The following ZNF324B variants were observed in gnomAD, a reference collection of about 807,000 sequenced individuals.
ZNF324B encodes the protein zinc finger protein 324B.
Under a neutral mutation model 10.6 loss-of-function variants are expected in ZNF324B, and 7 were observed. The observed-to-expected ratio is 0.66, with a 90% confidence interval of 0.38 to 1.24. The LOEUF (loss-of-function observed/expected upper bound fraction) is 1.24. ZNF324B is among the 50% of genes most tolerant of loss of function. ZNF324B has a pLI of 0.02. For missense variants in ZNF324B, 640 were observed against 764.7 expected (o/e 0.84, Z 1.92); for synonymous variants, 316 against 321.0 (o/e 0.98, Z 0.17).
the ZNF324B span, chr19:58,445,207 T>C: frequency 3.3e-6 from 1 of 302,976 alleles, no homozygotes; most frequent in Non-Finnish European, 6.3e-6. Context: ...TGAAACCTCA[T>C]CCTGCAGAAT....
the ZNF324B span, chr19:58,433,856 G>A: frequency 6.2e-7 from 1 of 1,614,220 alleles, no homozygotes; most frequent in South Asian, 1.1e-5. Context: ...TGCTGAATCA[G>A]GCTGGAGCTG....
intron 3 of ZNF324B, 194 bp from the exon 4 acceptor site, chr19:58,454,989 T>C: frequency 3.8e-6 from 3 of 781,806 alleles, no homozygotes; most frequent in Non-Finnish European, 6.6e-6. Context: ...GAGTCCCCAC[T>C]GCAGTCAGTG....
At chr19:58,427,291 T>TTTC in the ZNF324B span, among the ~76,000 whole-genome samples, 120 of 58,416 alleles carry the variant, frequency 2.1e-3, 1 homozygote, top group African/African-American at 6.7e-3. Flanking sequence ...TGCCTGGCTT[T>TTTC]TTTCTTTCTT....
At chr19:58,431,323 C>G in the ZNF324B span, among the ~76,000 whole-genome samples, 1 of 152,194 alleles carries the variant, frequency 6.6e-6, no homozygotes, top group Non-Finnish European at 1.5e-5. Context: ...CACTACTGAG[C>G]CTGTTAGGTG....
chr19:58,448,214 G>A (rs553806906), upstream of ZNF324B, among the ~76,000 whole-genome samples: 1 of 152,172 alleles, frequency 6.6e-6, no homozygotes, highest in African/African-American at 2.4e-5. Flanking sequence ...GGAAAATGTG[G>A]GAATGTTTGG....
chr19:58,433,523 G>A, the ZNF324B span: 3 of 1,613,882 alleles, frequency 1.9e-6, no homozygotes, highest in Admixed American at 3.3e-5. Context: ...CGAACCAGGT[G>A]GGAGTTACTG....
At chr19:58,422,597 A>G in the ZNF324B span, among the ~76,000 whole-genome samples, 5 of 152,210 alleles carry the variant, frequency 3.3e-5, no homozygotes, top group Admixed American at 6.5e-5. Flanking sequence ...TAGTGTTTCT[A>G]TACACCAGTA....
the ZNF324B span, chr19:58,435,168 C>T: frequency 6.2e-7 from 1 of 1,614,158 alleles, no homozygotes; most frequent in Non-Finnish European, 8.5e-7. Flanking sequence ...CAGAAACATT[C>T]TGCTTGGGAT....
At chr19:58,427,934 A>T in the ZNF324B span, among the ~76,000 whole-genome samples, 3 of 152,242 alleles carry the variant, frequency 2.0e-5, no homozygotes, top group East Asian at 5.8e-4. Context: ...TTTAATTCTG[A>T]TCCCACATGT....
the ZNF324B span, among the ~76,000 whole-genome samples, chr19:58,420,358 G>A: frequency 2.9e-3 from 448 of 152,036 alleles, 2 homozygotes; most frequent in African/African-American, 1.0e-2. Flanking sequence ...GGCAGAGGTT[G>A]CAGTGAGCCA....
At chr19:58,433,070 C>A in the ZNF324B span, 1 of 409,188 alleles carries the variant, frequency 2.4e-6, no homozygotes, top group South Asian at 3.3e-5. Context: ...CTGTTTTCCC[C>A]ATGCATGAGG....
chr19:58,426,849 G>C, the ZNF324B span, among the ~76,000 whole-genome samples: 1 of 152,216 alleles, frequency 6.6e-6, no homozygotes, highest in Non-Finnish European at 1.5e-5. Context: ...TCAGTACACT[G>C]CATCAAGGGG....
At position 58,457,003 on chromosome 19, in the gene ZNF324B, C is replaced by G. The variant is rs557019009; in HGVS notation, c.*424C>G. On this transcript the variant is annotated 3_prime_UTR_variant, in exon 4 of 4. Coordinates refer to ENST00000336614, the MANE Select transcript of ZNF324B (RefSeq NM_207395.3). ...GTCTGCACACAAACTGGCCGCTAGA[C>G]GGACGCTGAGGACATTTTCCCCCTG... 5.0e-6 allele frequency: 1 copy of G among 200,738 alleles called. No individual in the cohort carries two copies. The highest frequency in any genetic ancestry group is 2.3e-5 in the African/African-American group (1 of 43,802). 12.4% of individuals were successfully genotyped at this position (200,738 alleles called of 1,614,324 possible).
the ZNF324B span, chr19:58,430,315 G>T: frequency 6.6e-6 from 1 of 152,310 alleles, no homozygotes; most frequent in Admixed American, 6.5e-5. Flanking sequence ...CTAAAGAGGA[G>T]TCAGCTAGCT....
the ZNF324B span, among the ~76,000 whole-genome samples, chr19:58,427,442 CCT>C: frequency 1.3e-5 from 1 of 78,930 alleles, no homozygotes; most frequent in African/African-American, 8.9e-5. Context: ...TTCCTTCCTT[CCT>C]TTCCTTTCCC....
chr19:58,433,315 G>C, the ZNF324B span: 3 of 1,602,284 alleles, frequency 1.9e-6, no homozygotes, highest in Non-Finnish European at 1.7e-6. Flanking sequence ...ACTTCCATAA[G>C]GCTCCACTCA....
At chr19:58,437,613 AT>A in the ZNF324B span, 1 of 821,126 alleles carries the variant, frequency 1.2e-6, no homozygotes, top group Non-Finnish European at 1.5e-6. Context: ...AATGGTTCAC[AT>A]TCTCTCACCT....
chr19:58,434,802 G>C, the ZNF324B span: 11 of 1,614,190 alleles, frequency 6.8e-6, no homozygotes, highest in Middle Eastern at 1.7e-4. Flanking sequence ...TCTGCCCACT[G>C]TCAACAGCTT....
chr19:58,435,430 C>A, the ZNF324B span: 1 of 527,992 alleles, frequency 1.9e-6, no homozygotes, highest in Non-Finnish European at 3.3e-6. Context: ...GGGGTAAGGA[C>A]ACAGAAATGG....
Sources: gnomAD v4.1 joint callset for allele counts (sites outside exome capture counted in the v4.1 genomes callset) on GRCh38, gnomAD v4.1.1 for gene constraint, MANE v1.5 for transcripts, NCBI Gene and HGNC (gene_info 2026-07-23, HGNC 2026-07-21) for gene names.